IQCK: variants seen among roughly 807,000 people sequenced by gnomAD.
The protein encoded by IQCK is IQ motif containing K.
Under a neutral mutation model 28.1 loss-of-function variants are expected in IQCK, and 29 were observed. The observed-to-expected ratio is 1.03, with a 90% CI of 0.77 to 1.41. IQCK has a LOEUF of 1.41. Among genes scored for constraint, IQCK ranks in the 40% most tolerant of loss-of-function variants. The pLI, the probability that IQCK is intolerant of heterozygous loss-of-function variation, is 0.00. For missense variants in IQCK, 359 were observed against 314.7 expected (o/e 1.14, Z -1.07); for synonymous variants, 113 against 115.1 (o/e 0.98, Z 0.12).
intron 3 of IQCK, chr16:19,734,128 A>G: frequency 4.2e-6 from 1 of 235,974 alleles, no homozygotes; most frequent in Non-Finnish European, 8.2e-6. Context: ...TAATATCAGC[A>G]CTTTGAGAGA....
At chr16:19,813,457 A>AC (rs5816067) in intron 7 of IQCK, among the ~76,000 whole-genome samples, 48,038 of 152,080 alleles carry the variant, frequency 0.32, 11,194 homozygotes, top group African/African-American at 0.66. Flanking sequence ...AAGCAATGAG[A>AC]TGATTATAGA....
exon 1 of IQCK, chr16:19,718,364 A>G (rs774998510): frequency 6.2e-7 from 1 of 1,609,910 alleles, no homozygotes; most frequent in South Asian, 1.1e-5. Flanking sequence ...CAGCTGCTCT[A>G]CAGACTCGTC....
intron 1 of IQCK, among the ~76,000 whole-genome samples, chr16:19,729,972 A>G (rs1272406625): frequency 7.0e-6 from 1 of 142,694 alleles, no homozygotes; most frequent in Non-Finnish European, 1.5e-5. Context: ...ATTTTTTTTT[A>G]GATAGTCTCG....
At chr16:19,829,460 C>T (rs112705173), downstream of IQCK, among the ~76,000 whole-genome samples, 1,256 of 152,238 alleles carry the variant, frequency 8.3e-3, 19 homozygotes, top group African/African-American at 0.029. Context: ...CCTCAGCCTC[C>T]CAAGTAGCTG....
At chr16:19,746,196 T>C (rs2054910336) in intron 4 of IQCK, among the ~76,000 whole-genome samples, 1 of 151,696 alleles carries the variant, frequency 6.6e-6, no homozygotes, top group Non-Finnish European at 1.5e-5. Context: ...ATTTCTTTTT[T>C]TTTTTCTTTT....
chr16:19,740,966 T>TAAA (rs59584575), intron 4 of IQCK, among the ~76,000 whole-genome samples: 9 of 129,242 alleles, frequency 7.0e-5, no homozygotes, highest in African/African-American at 2.3e-4. Context: ...AGACTCCATC[T>TAAA]AAAAAAAAAA....
At chr16:19,845,528 G>A (rs1227655500) in intron 9 of IQCK, among the ~76,000 whole-genome samples, 1 of 152,194 alleles carries the variant, frequency 6.6e-6, no homozygotes, top group Non-Finnish European at 1.5e-5. Flanking sequence ...GAATTTCGAA[G>A]GACAACCAGA....
chr16:19,818,683 G>A (rs111801550), intron 7 of IQCK, among the ~76,000 whole-genome samples: 8 of 152,120 alleles, frequency 5.3e-5, no homozygotes, highest in African/African-American at 1.4e-4. Context: ...GTGAGCCATC[G>A]TGCTCAGCCG....
chr16:19,728,176 A>C (rs554851138), intron 1 of IQCK, among the ~76,000 whole-genome samples: 1 of 152,138 alleles, frequency 6.6e-6, no homozygotes, highest in South Asian at 2.1e-4. Context: ...AGTGCCTTCT[A>C]AGAGTTGAGA....
chr16:19,783,253 C>T (rs2055515862), intron 6 of IQCK, among the ~76,000 whole-genome samples: 2 of 152,096 alleles, frequency 1.3e-5, no homozygotes, highest in Non-Finnish European at 2.9e-5. Context: ...CCCACCTCGG[C>T]CTACCAAAGT....
intron 7 of IQCK, 117 bp from the exon 8 acceptor site, chr16:19,826,909 T>A: frequency 1.4e-6 from 1 of 706,458 alleles, no homozygotes; most frequent in South Asian, 1.7e-5. Flanking sequence ...GGACGATGAT[T>A]CATTGAGAAT....
chr16:19,758,267 C>G (rs1349683979), intron 4 of IQCK, among the ~76,000 whole-genome samples: 1 of 152,180 alleles, frequency 6.6e-6, no homozygotes, highest in Non-Finnish European at 1.5e-5. Context: ...AATTTTTAAA[C>G]TAAACAACAG....
chr16:19,755,135 G>A (rs1289141323), intron 4 of IQCK, among the ~76,000 whole-genome samples: 1 of 152,200 alleles, frequency 6.6e-6, no homozygotes, highest in Non-Finnish European at 1.5e-5. Context: ...GTTTCATCGT[G>A]TATGGGAATT....
At chr16:19,779,215 G>A (rs2055441384) in intron 6 of IQCK, among the ~76,000 whole-genome samples, 1 of 152,176 alleles carries the variant, frequency 6.6e-6, no homozygotes, top group Admixed American at 6.5e-5. Flanking sequence ...CAACCTAATA[G>A]TGCATACAGG....
chr16:19,729,270 G>T (rs536383176), intron 1 of IQCK, among the ~76,000 whole-genome samples: 2 of 152,124 alleles, frequency 1.3e-5, no homozygotes, highest in Admixed American at 1.3e-4. Flanking sequence ...GCCATGCCTG[G>T]CTAATTTTTG....
At chr16:19,757,716 A>G (rs11862428) in intron 4 of IQCK, among the ~76,000 whole-genome samples, 3,515 of 152,272 alleles carry the variant, frequency 0.023, 118 homozygotes, top group African/African-American at 0.08. Context: ...TGGGTCTTTT[A>G]TGATGGTATT....
At chr16:19,754,107 C>G (rs1597522009) in intron 4 of IQCK, among the ~76,000 whole-genome samples, 1 of 152,060 alleles carries the variant, frequency 6.6e-6, no homozygotes, top group African/African-American at 2.4e-5. Context: ...AGGGTTCACA[C>G]CTGGAGCTGA....
chr16:19,814,326 A>T (rs531617838), intron 7 of IQCK, among the ~76,000 whole-genome samples: 1 of 151,884 alleles, frequency 6.6e-6, no homozygotes, highest in South Asian at 2.1e-4. Context: ...AATCACTTGA[A>T]CCCGGGAGGA....
At chr16:19,834,327 G>C (rs1384934977) in intron 9 of IQCK, among the ~76,000 whole-genome samples, 3 of 152,150 alleles carry the variant, frequency 2.0e-5, no homozygotes, top group Non-Finnish European at 4.4e-5. Flanking sequence ...ACCGGGGCTG[G>C]GAGGATACAT....
Sources: gnomAD v4.1 joint callset for allele counts (sites outside exome capture counted in the v4.1 genomes callset) on GRCh38, gnomAD v4.1.1 for gene constraint, MANE v1.5 for transcripts, NCBI Gene and HGNC (gene_info 2026-07-23, HGNC 2026-07-21) for gene names.